The following CHIC1 variants were observed in gnomAD, a reference collection of about 807,000 sequenced individuals.
CHIC1 encodes cysteine rich hydrophobic domain 1.
A neutral mutation model predicts 18.5 loss-of-function variants in CHIC1; 7 were observed. The observed-to-expected ratio is 0.38, with a 90% confidence interval of 0.22 to 0.71. CHIC1 has a LOEUF of 0.71. Among genes scored for constraint, CHIC1 ranks in the 30% least tolerant of loss-of-function variants. The pLI, the probability that CHIC1 is intolerant of heterozygous loss-of-function variation, is 0.49. For missense variants in CHIC1, 159 were observed against 176.9 expected (o/e 0.90, Z 0.57); for synonymous variants, 77 against 73.5 (o/e 1.05, Z -0.25).
chrX:73,671,976 G>A (rs894995686), intron 3 of CHIC1, among the ~76,000 whole-genome samples: 1 of 110,453 alleles, frequency 9.1e-6, no homozygotes, highest in African/African-American at 3.3e-5. Context: ...ATGTCCATGT[G>A]TTCTCATTGT....
intron 3 of CHIC1, among the ~76,000 whole-genome samples, chrX:73,642,439 G>A (rs1338083369): frequency 1.8e-5 from 2 of 110,021 alleles, no homozygotes; most frequent in Non-Finnish European, 3.8e-5. Flanking sequence ...AGATGAGTAG[G>A]TTGCGAAAAT....
chrX:73,680,255 C>T (rs1441550435), intron 5 of CHIC1, among the ~76,000 whole-genome samples: 1 of 110,561 alleles, frequency 9.0e-6, no homozygotes, highest in Non-Finnish European at 1.9e-5. Context: ...GAAAATATTA[C>T]ATTTATCCAA....
chrX:73,614,206 T>C (rs957538113), intron 3 of CHIC1, among the ~76,000 whole-genome samples: 2 of 111,986 alleles, frequency 1.8e-5, no homozygotes, highest in African/African-American at 3.2e-5. Flanking sequence ...CATTCTCTTC[T>C]GGCCTGTAAG....
chrX:73,675,580 C>T (rs983238642), intron 3 of CHIC1, among the ~76,000 whole-genome samples: 3 of 111,353 alleles, frequency 2.7e-5, no homozygotes, highest in South Asian at 7.6e-4. Context: ...TTTCCATTTG[C>T]TTGGTAGATC....
At chrX:73,618,935 A>G (rs2057745923) in intron 3 of CHIC1, among the ~76,000 whole-genome samples, 1 of 112,227 alleles carries the variant, frequency 8.9e-6, no homozygotes, top group Admixed American at 9.4e-5. Flanking sequence ...CAAAGTCAGA[A>G]ATGGCTTCTT....
At chrX:73,591,419 GTTA>G (rs1343717927) in intron 3 of CHIC1, among the ~76,000 whole-genome samples, 5 of 110,416 alleles carry the variant, frequency 4.5e-5, no homozygotes, top group Non-Finnish European at 7.6e-5. Context: ...GGTTGTTTAT[GTTA>G]TTATTGTTGA....
intron 3 of CHIC1, among the ~76,000 whole-genome samples, chrX:73,675,944 C>A (rs2058060085): frequency 1.8e-5 from 2 of 110,647 alleles, no homozygotes; most frequent in African/African-American, 6.6e-5. Context: ...CAAAATCTCT[C>A]AGCATTTGCT....
intron 3 of CHIC1, among the ~76,000 whole-genome samples, chrX:73,677,993 T>G (rs542715048): frequency 0.041 from 4,421 of 107,209 alleles, 98 homozygotes; most frequent in Non-Finnish European, 0.051. Context: ...TGGAGGTTGT[T>G]TTTTTTTTTT....
Position 73,685,358 on chromosome X carries a change from G to A in CHIC1, c.*4353G>A, listed in dbSNP as rs2058117238. The A allele has an allele frequency of 9.0e-6, 1 of 111,553 alleles. No individual in the cohort carries two copies. The highest frequency in any genetic ancestry group is 3.7e-4 in the South Asian group (1 of 2,697). The allele number at this position is 111,553 out of a possible 1,213,427, so 9.2% of individuals were successfully genotyped here. ...TGTGTAGAATCTGTCTATGCAGTTG[G>A]TATTCAGGCAAGAATTTTAGCTGTA... On this transcript the variant is annotated 3_prime_UTR_variant, in exon 6 of 6. Transcript: ENST00000373502.
chrX:73,649,171 G>A (rs1379724659), intron 3 of CHIC1, among the ~76,000 whole-genome samples: 6 of 111,575 alleles, frequency 5.4e-5, no homozygotes, highest in Admixed American at 9.5e-5. Flanking sequence ...TCACCACTAG[G>A]CCTTCCTTGC....
At position 73,563,597 on chromosome X, in the gene CHIC1, C is replaced by A; in HGVS notation, c.296+17C>A. 3 of 1,048,140 alleles carry A rather than the reference C, an allele frequency of 2.9e-6. No individual in the cohort carries two copies. Among genetic ancestry groups the A allele is most frequent in the Non-Finnish European group, 3.7e-6 (3 of 812,006 alleles). The allele number at this position is 1,048,140 out of a possible 1,213,427, so 86.4% of individuals were successfully genotyped here. A position where few individuals can be genotyped will look rare whatever the true frequency, so the allele number is the denominator to read the frequency against. ...CATCACTGTGTAAGCGAGAGGGGGT[C>A]TTGGGACTTGAAATGCCTGAGATTT... On this transcript the variant is annotated intron_variant, in intron 1 of 5. Coordinates refer to ENST00000373502, the MANE Select transcript of CHIC1 (RefSeq NM_001039840.4).
chrX:73,656,097 G>A (rs1275456834), intron 3 of CHIC1, among the ~76,000 whole-genome samples: 2 of 111,579 alleles, frequency 1.8e-5, no homozygotes, highest in African/African-American at 3.3e-5. Flanking sequence ...TTAGGCATTT[G>A]TATGTCTTCC....
At chrX:73,603,561 G>A (rs1206598755) in intron 3 of CHIC1, among the ~76,000 whole-genome samples, 1 of 108,462 alleles carries the variant, frequency 9.2e-6, no homozygotes, top group Non-Finnish European at 1.9e-5. Flanking sequence ...GTGAGAGAGG[G>A]CATCCTTGTC....
chrX:73,607,447 C>A lies in CHIC1; in HGVS notation c.507+22875C>A, dbSNP rs1213252892. Among the ~76,000 whole-genome samples the A allele has an allele frequency of 1.9e-5, 2 of 108,060 alleles. 1 individual carries two copies. Among genetic ancestry groups the A allele is most frequent in the African/African-American group, 7.2e-5 (2 of 27,699 alleles). The allele number at this position is 108,060 out of a possible 115,157, so 93.8% of individuals were successfully genotyped here. ...TGGGGGTGGGATCCACTGAGCTAGA[C>A]CACTTGGCTCCCTGGCTTCAGCCCC... is the stretch of plus-strand genomic sequence containing the variant. On this transcript the variant is annotated intron_variant, in intron 3 of 5. Transcript: ENST00000373502.
intron 1 of CHIC1, among the ~76,000 whole-genome samples, chrX:73,576,287 G>A (rs759603184): frequency 1.1e-4 from 12 of 110,660 alleles, no homozygotes; most frequent in African/African-American, 3.6e-4. Context: ...TTATCATCAT[G>A]TATTATGTAT....
chrX:73,655,290 G>A (rs1407634611), intron 3 of CHIC1, among the ~76,000 whole-genome samples: 1 of 105,092 alleles, frequency 9.5e-6, no homozygotes, highest in Non-Finnish European at 2.0e-5. Context: ...GTGCGTGTGT[G>A]TGTGTGTATG....
intron 3 of CHIC1, among the ~76,000 whole-genome samples, chrX:73,673,092 C>T (rs2058040766): frequency 9.0e-6 from 1 of 111,678 alleles, no homozygotes; most frequent in African/African-American, 3.3e-5. Context: ...GGGCTCTGTT[C>T]TGTTCCATTG....
intron 3 of CHIC1, among the ~76,000 whole-genome samples, chrX:73,613,258 C>T (rs904797017): frequency 9.0e-5 from 10 of 111,322 alleles, no homozygotes; most frequent in Non-Finnish European, 1.5e-4. Flanking sequence ...TCTTTGTTTC[C>T]TCCAAATCTC....
chrX:73,613,206 GA>G (rs1206530789), intron 3 of CHIC1, among the ~76,000 whole-genome samples: 3 of 111,597 alleles, frequency 2.7e-5, no homozygotes, highest in African/African-American at 9.8e-5. Context: ...CAGGTAAGAT[GA>G]GTTTCTTTAG....
Sources: allele counts gnomAD v4.1 joint callset (sites outside exome capture counted in the v4.1 genomes callset), GRCh38; gene constraint gnomAD v4.1.1; transcripts MANE v1.5; gene names NCBI Gene and HGNC (gene_info 2026-07-23, HGNC 2026-07-21).